Variants in LNPEP observed in about 807,000 individuals in gnomAD.
LNPEP encodes the protein leucyl-cystinyl aminopeptidase.
In LNPEP, 64 loss-of-function variants were observed where a neutral mutation model predicts 120.6. That is an observed-to-expected ratio of 0.53 (90% CI 0.43 to 0.65). The LOEUF (loss-of-function observed/expected upper bound fraction) is 0.65, where lower values mean the gene tolerates loss of function less well. Among genes scored for constraint, LNPEP ranks in the 30% least tolerant of loss-of-function variants. LNPEP has a pLI of 0.00. For synonymous variants in LNPEP, 435 were observed against 425.4 expected, an observed-to-expected ratio of 1.02 and a Z score of -0.28; for missense variants, 1,057 against 1,200.0, an observed-to-expected ratio of 0.88 and a Z score of 1.76.
chr5:97,002,132 T>C (rs1790669012), intron 8 of LNPEP, among the ~76,000 whole-genome samples: 1 of 152,024 alleles, frequency 6.6e-6, no homozygotes, highest in African/African-American at 2.4e-5. Flanking sequence ...AGAGTGAGAC[T>C]TCATCTCAAA....
In LNPEP at chr5:97,006,218, A is replaced by C; in HGVS notation, c.1931A>C (p.Gln644Pro). The change falls in exon 10 of 18, where the codon CAG (glutamine) becomes CCG (proline). Residue 644 changes from glutamine to proline, a missense_variant. Transcript: ENST00000231368. ...RFFLNMKPEI[Q>P]PSDTSYLWHI... is the part of the protein sequence containing the mutation. ...TTTTTAAATATGAAGCCTGAAATTC[A>C]GCCTTCAGATACAAGGTACATGCCC... 6.2e-7 allele frequency: 1 copy of C among 1,603,382 alleles called. No homozygotes were observed. Among genetic ancestry groups the C allele is most frequent in the East Asian group, 2.2e-5 (1 of 44,556 alleles).
chr5:96,995,853 G>T (rs1790504442), intron 6 of LNPEP, among the ~76,000 whole-genome samples: 1 of 152,154 alleles, frequency 6.6e-6, no homozygotes, highest in Admixed American at 6.5e-5. Context: ...AAGGAATGTT[G>T]TTTGAATTCT....
chr5:96,955,875 C>T (rs1789456423), intron 1 of LNPEP, among the ~76,000 whole-genome samples: 1 of 152,214 alleles, frequency 6.6e-6, no homozygotes, highest in African/African-American at 2.4e-5. Flanking sequence ...GCTAAACTAT[C>T]TTTCAAACTG....
intron 13 of LNPEP, among the ~76,000 whole-genome samples, chr5:97,021,171 G>T (rs2112666940): frequency 6.6e-6 from 1 of 152,310 alleles, no homozygotes; most frequent in Middle Eastern, 3.4e-3. Flanking sequence ...TGAGTTGCAT[G>T]CCAAAGTATT....
In LNPEP at chr5:97,006,094, G is replaced by A. The variant is rs1790775746; in HGVS notation, c.1807G>A (p.Val603Ile). The A allele has an allele frequency of 2.6e-6, 4 of 1,530,034 alleles. No homozygotes were observed. Among genetic ancestry groups the A allele is most frequent in the Non-Finnish European group, 3.5e-6 (4 of 1,133,882 alleles). The allele number at this position is 1,530,034 out of a possible 1,614,324, so 94.8% of individuals were successfully genotyped here. ...FNEVTNQTLD[V>I]KRMMKTWTLQ... ...GTAGGTCACAAACCAAACACTAGAT[G>A]TAAAGAGAATGATGAAAACCTGGAC... The change falls in exon 10 of 18, where the codon GTA becomes ATA. Residue 603 changes from valine to isoleucine, a missense_variant. Val to Ile is a conservative substitution (Grantham distance 29). Transcript: ENST00000231368.
chr5:97,007,982 A>G (rs1790825148), intron 11 of LNPEP, among the ~76,000 whole-genome samples: 1 of 152,226 alleles, frequency 6.6e-6, no homozygotes, highest in African/African-American at 2.4e-5. Context: ...TAAAGCAGCA[A>G]CAATCTAATT....
chr5:96,998,996 G>A (rs1475321394), intron 8 of LNPEP, among the ~76,000 whole-genome samples: 1 of 152,126 alleles, frequency 6.6e-6, no homozygotes, highest in African/African-American at 2.4e-5. Flanking sequence ...ATGGGCAAGT[G>A]ATGTTTTTTC....
chr5:97,014,479 T>G (rs1791014022), intron 12 of LNPEP, among the ~76,000 whole-genome samples: 3 of 152,124 alleles, frequency 2.0e-5, no homozygotes. Flanking sequence ...ATTTTAAAAA[T>G]GTACTCACTG....
chr5:97,005,004 A>C (rs531215994), intron 9 of LNPEP, among the ~76,000 whole-genome samples: 1 of 152,280 alleles, frequency 6.6e-6, no homozygotes, highest in South Asian at 2.1e-4. Context: ...CCCACATCAA[A>C]TTATGCATTG....
At chr5:96,947,666 A>C (rs1789219421) in intron 1 of LNPEP, among the ~76,000 whole-genome samples, 1 of 152,176 alleles carries the variant, frequency 6.6e-6, no homozygotes, top group Non-Finnish European at 1.5e-5. Flanking sequence ...AATGTTTTTG[A>C]ATGCCTAATT....
intron 6 of LNPEP, 70 bp downstream of exon 6, chr5:96,994,041 T>C (rs992711568): frequency 1.6e-6 from 2 of 1,274,998 alleles, no homozygotes; most frequent in Non-Finnish European, 2.2e-6. Context: ...ATTGTTAGCA[T>C]TTAGATGCTA....
intron 6 of LNPEP, among the ~76,000 whole-genome samples, chr5:96,994,350 A>G (rs960813218): frequency 5.1e-4 from 77 of 152,170 alleles, no homozygotes; most frequent in Admixed American, 5.0e-3. Context: ...CCTCAGTAAT[A>G]CACAGCTGCA....
In LNPEP at chr5:96,979,828, A is replaced by G. The variant is rs994312116; in HGVS notation, c.710A>G (p.Tyr237Cys). 5 of 1,613,940 alleles carry G rather than the reference A, an allele frequency of 3.1e-6. No individual in the cohort carries two copies. The highest frequency in any genetic ancestry group is 4.2e-6 in the Non-Finnish European group (5 of 1,179,956). The part of the protein sequence containing the change: ...SQEKQAEILE[Y>C]AYHGQIAIVA... ...GAAAAACAAGCTGAGATCCTGGAAT[A>G]TGCATATCATGGACAGATCGCCATT... The change falls in exon 2 of 18, where the codon TAT becomes TGT. Residue 237 changes from tyrosine to cysteine, a missense_variant. By Grantham distance (194) the Tyr-to-Cys change is radical. Transcript: ENST00000231368.
At position 97,032,261 on chromosome 5, in the gene LNPEP, T is replaced by G. The variant is rs1791484262; in HGVS notation, c.*3728T>G. ...AGCTTCCTTCCCCCTTCATCCCATT[T>G]GTATTTTTAAAAACTAAGTTATATA... On this transcript the variant is annotated 3_prime_UTR_variant, in exon 18 of 18. Transcript: ENST00000231368. The G allele has an allele frequency of 6.6e-6, 1 of 152,236 alleles. No homozygotes were observed. The highest frequency in any genetic ancestry group is 1.5e-5 in the Non-Finnish European group (1 of 68,040). 9.4% of individuals were successfully genotyped at this position (152,236 alleles called of 1,614,324 possible). A position where few individuals can be genotyped will look rare whatever the true frequency, so the allele number is the denominator to read the frequency against.
chr5:96,998,177 G>C (rs773186634), intron 8 of LNPEP, 32 bp downstream of exon 8: 7 of 1,542,468 alleles, frequency 4.5e-6, no homozygotes, highest in Non-Finnish European at 4.4e-6. Flanking sequence ...TAGCTGGAGT[G>C]GGTTTAAAAT....
At chr5:96,947,509 C>T (rs1162116573) in intron 1 of LNPEP, among the ~76,000 whole-genome samples, 1 of 152,056 alleles carries the variant, frequency 6.6e-6, no homozygotes, top group East Asian at 1.9e-4. Flanking sequence ...AGTATTTATT[C>T]CCGTGCTATT....
At chr5:97,021,918 C>CTT (rs1561455270) in intron 13 of LNPEP, among the ~76,000 whole-genome samples, 2 of 50,006 alleles carry the variant, frequency 4.0e-5, no homozygotes, top group Admixed American at 2.0e-4. Context: ...TGTTTTTTGT[C>CTT]TTTTGTTTTT....
At chr5:97,025,732 A>G (rs766936105) in intron 15 of LNPEP, among the ~76,000 whole-genome samples, 2 of 152,210 alleles carry the variant, frequency 1.3e-5, no homozygotes, top group Non-Finnish European at 2.9e-5. Context: ...GGTTTATACC[A>G]TACCCAGTGT....
At chr5:96,949,676 A>G (rs527724871) in intron 1 of LNPEP, among the ~76,000 whole-genome samples, 1 of 152,360 alleles carries the variant, frequency 6.6e-6, no homozygotes, top group African/African-American at 2.4e-5. Context: ...CATTATTCAT[A>G]CAAATAGGTT....
Sources: allele counts gnomAD v4.1 joint callset (sites outside exome capture counted in the v4.1 genomes callset), GRCh38; gene constraint gnomAD v4.1.1; transcripts MANE v1.5; gene names NCBI Gene and HGNC (gene_info 2026-07-23, HGNC 2026-07-21).